CEP112: variants seen among roughly 807,000 people sequenced by gnomAD.
CEP112 encodes the protein centrosomal protein 112, also known as centrosomal protein of 112 kDa.
A neutral mutation model predicts 153.0 loss-of-function variants in CEP112; 127 were observed. That is an observed-to-expected ratio of 0.83 (90% CI 0.72 to 0.96). CEP112 has a LOEUF of 0.96. Ranked by LOEUF, CEP112 falls within the 40% of genes least tolerant of loss-of-function variation. The probability of loss-of-function intolerance (pLI) is 0.00; values close to 1 mark genes in which losing one functional copy is unlikely to be tolerated. For missense variants in CEP112, 1,089 were observed against 1,101.2 expected, an observed-to-expected ratio of 0.99 and a Z score of 0.16; for synonymous variants, 358 against 374.4, an observed-to-expected ratio of 0.96 and a Z score of 0.51.
chr17:66,130,932 A>G (rs1281922040), intron 5 of CEP112, among the ~76,000 whole-genome samples: 1 of 152,156 alleles, frequency 6.6e-6, no homozygotes, highest in Non-Finnish European at 1.5e-5. Context: ...TAAGATCTGT[A>G]CCCAGAAATT....
Position 66,085,760 on chromosome 17 carries a change from C to T in CEP112, c.768+10491G>A, listed in dbSNP as rs753731352. 4.6e-5 allele frequency among the ~76,000 whole-genome samples: 7 copies of T among 152,048 alleles called. 1 individual carries two copies. The East Asian group carries it at 7.7e-4, about 17-fold the overall frequency. On this transcript the variant is annotated intron_variant, in intron 8 of 26. Transcript: ENST00000535342. Reference sequence around the variant, plus strand: ...TTGGGAGGCCGAGGCAGGCGGATCACGAGGTCAGGAGTTTGAGACCAGCCT... The same window carrying T: ...TTGGGAGGCCGAGGCAGGCGGATCATGAGGTCAGGAGTTTGAGACCAGCCT...
intron 4 of CEP112, among the ~76,000 whole-genome samples, chr17:66,162,632 C>A (rs2071761128): frequency 6.6e-6 from 1 of 152,118 alleles, no homozygotes; most frequent in South Asian, 2.1e-4. Flanking sequence ...AATCTCACAA[C>A]ATAATGTTGA....
intron 4 of CEP112, among the ~76,000 whole-genome samples, chr17:66,174,711 C>CT (rs2072396366): frequency 6.6e-6 from 1 of 152,086 alleles, no homozygotes; most frequent in African/African-American, 2.4e-5. Flanking sequence ...TTCATTATAT[C>CT]ATTAAGTGAA....
chr17:66,066,747 T>C lies in CEP112; in HGVS notation c.955+31A>G, dbSNP rs540141147. The C allele has an allele frequency of 3.7e-6, 5 of 1,343,524 alleles. No homozygotes were observed. In the South Asian group the frequency reaches 7.8e-5, roughly 21 times the overall value. The allele number at this position is 1,343,524 out of a possible 1,614,324, so 83.2% of individuals were successfully genotyped here. On this transcript the variant is annotated intron_variant, in intron 10 of 26. Transcript: ENST00000535342. The stretch of plus-strand genomic sequence containing the variant: ...TCACTAAAATAAAATGGAAATGTTA[T>C]TAAAAGATGTATGTAACAACACAAC...
chr17:65,641,292 T>C (rs1381192534), intron 24 of CEP112, among the ~76,000 whole-genome samples: 1 of 152,208 alleles, frequency 6.6e-6, no homozygotes, highest in Non-Finnish European at 1.5e-5. Flanking sequence ...GCTTTATTTA[T>C]TTAAAATCCT....
chr17:65,704,121 C>A (rs1330396546), intron 23 of CEP112, among the ~76,000 whole-genome samples: 1 of 151,836 alleles, frequency 6.6e-6, no homozygotes, highest in African/African-American at 2.4e-5. Flanking sequence ...GTTGGCCCTG[C>A]GACGACAGGG....
chr17:66,183,129 G>T, intron 2 of CEP112, 65 bp downstream of exon 2: 1 of 1,142,840 alleles, frequency 8.8e-7, no homozygotes, highest in Non-Finnish European at 1.2e-6. Flanking sequence ...TAGTTCATTG[G>T]TTTGACTAAA....
intron 11 of CEP112, among the ~76,000 whole-genome samples, chr17:66,058,316 T>C (rs78001759): frequency 0.016 from 2,484 of 152,028 alleles, 63 homozygotes; most frequent in African/African-American, 0.056. Flanking sequence ...CACAATGTCA[T>C]TGAAGTAAAT....
chr17:66,139,423 G>A (rs2070585980), intron 4 of CEP112, among the ~76,000 whole-genome samples: 1 of 152,090 alleles, frequency 6.6e-6, no homozygotes, highest in Non-Finnish European at 1.5e-5. Flanking sequence ...CAGCAACATA[G>A]TGAGCCTCAT....
At chr17:65,697,818 C>T (rs1293340039) in intron 23 of CEP112, among the ~76,000 whole-genome samples, 2 of 152,114 alleles carry the variant, frequency 1.3e-5, no homozygotes, top group Non-Finnish European at 2.9e-5. Context: ...CAGACCTACC[C>T]AGGATGAATA....
chr17:65,797,057 A>AAAAAAC (rs2054971306), intron 21 of CEP112: 2 of 149,602 alleles, frequency 1.3e-5, no homozygotes, highest in Non-Finnish European at 1.5e-5. Context: ...TCTGTCTCAA[A>AAAAAAC]AACAACAACA....
At chr17:65,660,815 G>A (rs1434158335) in intron 24 of CEP112, among the ~76,000 whole-genome samples, 1 of 151,980 alleles carries the variant, frequency 6.6e-6, no homozygotes, top group East Asian at 1.9e-4. Context: ...ACCCACTTTG[G>A]CTTCCCACAG....
chr17:66,175,245 C>T, intron 3 of CEP112, 29 bp from the exon 4 acceptor site: 1 of 1,486,702 alleles, frequency 6.7e-7, no homozygotes, highest in Middle Eastern at 1.8e-4. Context: ...AAAAATTATT[C>T]TTTCAAAATG....
intron 16 of CEP112, among the ~76,000 whole-genome samples, chr17:66,026,370 T>A (rs1449171917): frequency 6.6e-6 from 1 of 152,150 alleles, no homozygotes; most frequent in East Asian, 1.9e-4. Flanking sequence ...AGGAGGGATA[T>A]CAACATGTGT....
At chr17:65,963,265 G>A (rs932457623) in intron 17 of CEP112, among the ~76,000 whole-genome samples, 17 of 151,734 alleles carry the variant, frequency 1.1e-4, no homozygotes, top group Non-Finnish European at 2.2e-4. Context: ...TAACACTGAA[G>A]GATGCTGGGC....
At chr17:66,170,038 T>G (rs1319262118) in intron 4 of CEP112, among the ~76,000 whole-genome samples, 2 of 152,182 alleles carry the variant, frequency 1.3e-5, no homozygotes, top group African/African-American at 4.8e-5. Context: ...TATGGCTATC[T>G]GATTCATGTA....
chr17:65,953,403 G>A (rs1228909143), intron 18 of CEP112, among the ~76,000 whole-genome samples: 2 of 152,184 alleles, frequency 1.3e-5, no homozygotes, highest in East Asian at 3.9e-4. Context: ...GTGAACTTTG[G>A]CTCCAAGAAC....
chr17:65,689,215 AAACCTGAAACGG>A lies in CEP112; in HGVS notation c.2608-9_2610del. On this transcript the variant is annotated splice_acceptor_variant and splice_polypyrimidine_tract_variant and coding_sequence_variant and intron_variant, in exon 24 of 27. Transcript: ENST00000535342. LOFTEE classifies it high-confidence loss of function. Reference sequence around the variant, plus strand: ...GAACGGTTTTCTAATTCATCTTGTAAAACCTGAAACGGTATAAAATAAAGATATCATTAATAA... The same window carrying A: ...GAACGGTTTTCTAATTCATCTTGTAATATAAAATAAAGATATCATTAATAA... 1.2e-6 allele frequency: 2 copies of A among 1,605,372 alleles called. No homozygotes were observed. The highest frequency in any genetic ancestry group is 2.2e-5 in the South Asian group (2 of 90,902).
At position 66,112,363 on chromosome 17, in the gene CEP112, C is replaced by G. The variant is rs574258456; in HGVS notation, c.643-15731G>C. Among the ~76,000 whole-genome samples, 41 of 151,530 alleles carry G rather than the reference C, an allele frequency of 2.7e-4. No homozygotes were observed. In the East Asian group the frequency reaches 4.1e-3, roughly 15 times the overall value. On this transcript the variant is annotated intron_variant, in intron 6 of 26. Transcript: ENST00000535342. ...CACTTGAGAAAATTGAGGAAAAAAACTTGGGGCACATTTCACTGATGAGGA... is the reference window on the plus strand; with the variant it reads ...CACTTGAGAAAATTGAGGAAAAAAAGTTGGGGCACATTTCACTGATGAGGA...
Sources: allele counts gnomAD v4.1 joint callset (sites outside exome capture counted in the v4.1 genomes callset), GRCh38; gene constraint gnomAD v4.1.1; transcripts MANE v1.5; gene names NCBI Gene and HGNC (gene_info 2026-07-23, HGNC 2026-07-21).